NUP155: variants seen among roughly 807,000 people sequenced by gnomAD.
NUP155 encodes nucleoporin 155.
In NUP155, 71 loss-of-function variants were observed where a neutral mutation model predicts 180.4. That is an observed-to-expected ratio of 0.39 (90% CI 0.33 to 0.48). The LOEUF (loss-of-function observed/expected upper bound fraction) is 0.48, where lower values mean the gene tolerates loss of function less well. Ranked by LOEUF, NUP155 falls within the 20% of genes least tolerant of loss-of-function variation. NUP155 has a pLI of 0.91. For synonymous variants in NUP155, 582 were observed against 559.5 expected (o/e 1.04, Z -0.57); for missense variants, 1,553 against 1,648.9 (o/e 0.94, Z 1.01).
At chr5:37,299,715 G>C (rs1163293017) in intron 30 of NUP155, 147 bp from the exon 31 acceptor site, 4 of 857,878 alleles carry the variant, frequency 4.7e-6, no homozygotes, top group Non-Finnish European at 7.4e-6. Context: ...GATGTATGTA[G>C]CTGGTTATAA....
chr5:37,289,923 T>A lies in NUP155; in HGVS notation c.*1977A>T, dbSNP rs1421441155. The A allele has an allele frequency of 6.6e-6, 1 of 152,134 alleles. No homozygotes were observed. Among genetic ancestry groups the A allele is most frequent in the Non-Finnish European group, 1.5e-5 (1 of 68,034 alleles). 9.4% of individuals were successfully genotyped at this position (152,134 alleles called of 1,614,324 possible). A position where few individuals can be genotyped will look rare whatever the true frequency, so the allele number is the denominator to read the frequency against. ...TTTACATATTCAAAAAACGCTAAAC[T>A]TAAGAAACTGAAAAGTTGAAAAATA... On this transcript the variant is annotated 3_prime_UTR_variant, in exon 35 of 35. Coordinates refer to ENST00000231498, the MANE Select transcript of NUP155 (RefSeq NM_153485.3).
chr5:37,292,001 C>T lies in NUP155; in HGVS notation c.4075G>A (p.Gly1359Ser). 1 of 1,613,950 alleles carries T rather than the reference C, an allele frequency of 6.2e-7. No homozygotes were observed. Among genetic ancestry groups the T allele is most frequent in the East Asian group, 2.2e-5 (1 of 44,884 alleles). The stretch of plus-strand genomic sequence containing the variant: ...ATAGACTGGAGCTCAACAAGGTAAC[C>T]ACAAACAGCATCCAGGCAGAGATTT... ...FTNLCLDAVC[G>S]YLVELQSMSS... The change falls in exon 35 of 35, where the codon GGT (glycine) becomes AGT (serine). Residue 1359 changes from glycine to serine, a missense_variant. Coordinates refer to ENST00000231498, the MANE Select transcript of NUP155 (RefSeq NM_153485.3).
At chr5:37,310,014 T>TA (rs35386254) in intron 23 of NUP155, among the ~76,000 whole-genome samples, 32 of 150,258 alleles carry the variant, frequency 2.1e-4, no homozygotes, top group African/African-American at 2.7e-4. Flanking sequence ...TACTCAGTCT[T>TA]AAAAAAAAAG....
intron 4 of NUP155, 133 bp downstream of exon 4, chr5:37,357,948 G>A: frequency 1.5e-6 from 1 of 656,430 alleles, no homozygotes; most frequent in Non-Finnish European, 2.8e-6. Flanking sequence ...AGCCAAGATT[G>A]CGCCACTGCA....
chr5:37,317,247 G>A (rs1743951257), intron 21 of NUP155, among the ~76,000 whole-genome samples: 1 of 151,972 alleles, frequency 6.6e-6, no homozygotes, highest in Non-Finnish European at 1.5e-5. Context: ...CCAGCACTTT[G>A]GGAGGCCGAG....
intron 3 of NUP155, among the ~76,000 whole-genome samples, chr5:37,359,723 C>T (rs530977935): frequency 6.6e-6 from 1 of 151,980 alleles, no homozygotes; most frequent in South Asian, 2.1e-4. Flanking sequence ...AGAAAAAAAA[C>T]CCCAGTGTCA....
chr5:37,361,511 C>A (rs777112495), intron 3 of NUP155, among the ~76,000 whole-genome samples: 2 of 152,106 alleles, frequency 1.3e-5, no homozygotes, highest in Non-Finnish European at 2.9e-5. Flanking sequence ...GCAACTTATG[C>A]GGACTAGGAT....
intron 24 of NUP155, among the ~76,000 whole-genome samples, chr5:37,307,779 G>T (rs556656650): frequency 6.6e-6 from 1 of 151,752 alleles, no homozygotes; most frequent in African/African-American, 2.4e-5. Context: ...AAAATTAGCT[G>T]GGCCTGGTGG....
chr5:37,347,356 A>G (rs542347921), intron 9 of NUP155, among the ~76,000 whole-genome samples: 3 of 152,232 alleles, frequency 2.0e-5, no homozygotes, highest in Non-Finnish European at 2.9e-5. Flanking sequence ...TACTTTACGT[A>G]GTAAAACCAG....
intron 32 of NUP155, among the ~76,000 whole-genome samples, chr5:37,296,112 C>T (rs1222849632): frequency 6.6e-6 from 1 of 151,460 alleles, no homozygotes. Flanking sequence ...GGCACCTCTG[C>T]CCGGCCGCCC....
intron 4 of NUP155, among the ~76,000 whole-genome samples, chr5:37,353,774 T>C (rs997889586): frequency 6.6e-6 from 1 of 152,142 alleles, no homozygotes; most frequent in Non-Finnish European, 1.5e-5. Context: ...GAATGGTTAC[T>C]ACCAACTGCT....
At chr5:37,367,043 T>C (rs1042178537) in intron 1 of NUP155, among the ~76,000 whole-genome samples, 3 of 148,968 alleles carry the variant, frequency 2.0e-5, no homozygotes, top group Admixed American at 1.3e-4. Flanking sequence ...CGAACTCTTT[T>C]TCTCTTTTTT....
chr5:37,349,075 T>A (rs1746293726), intron 8 of NUP155, 97 bp downstream of exon 8: 2 of 353,792 alleles, frequency 5.7e-6, no homozygotes, highest in African/African-American at 4.3e-5. Context: ...TTTTTTTAGT[T>A]ACACAGTTCA....
At chr5:37,320,545 A>G (rs1181831622) in intron 20 of NUP155, among the ~76,000 whole-genome samples, 1 of 152,262 alleles carries the variant, frequency 6.6e-6, no homozygotes. Flanking sequence ...GTAGAGCTAG[A>G]CAAGAAAAGA....
At chr5:37,361,809 G>C (rs1360526396) in intron 3 of NUP155, among the ~76,000 whole-genome samples, 1 of 152,078 alleles carries the variant, frequency 6.6e-6, no homozygotes, top group Non-Finnish European at 1.5e-5. Context: ...CACTGCTATG[G>C]ATCAAATATC....
intron 12 of NUP155, among the ~76,000 whole-genome samples, chr5:37,337,194 G>A (rs1561795173): frequency 6.6e-6 from 1 of 152,134 alleles, no homozygotes; most frequent in Non-Finnish European, 1.5e-5. Context: ...CACCCAGGAA[G>A]ACCATATCCA....
intron 9 of NUP155, among the ~76,000 whole-genome samples, chr5:37,343,571 T>G (rs182751503): frequency 6.6e-6 from 1 of 152,108 alleles, no homozygotes; most frequent in Non-Finnish European, 1.5e-5. Context: ...GTGTTCTCAG[T>G]GTCAAAGTAT....
At chr5:37,336,396 G>A (rs1745330236) in intron 12 of NUP155, among the ~76,000 whole-genome samples, 1 of 151,732 alleles carries the variant, frequency 6.6e-6, no homozygotes. Flanking sequence ...TGGGAGGACT[G>A]CTTGGGCCTG....
intron 3 of NUP155, among the ~76,000 whole-genome samples, chr5:37,362,074 AG>A (rs150044006): frequency 0.017 from 2,552 of 152,290 alleles, 58 homozygotes; most frequent in African/African-American, 0.058. Flanking sequence ...ACCATGAGAA[AG>A]AAATTCATGT....
Sources: allele counts gnomAD v4.1 joint callset (sites outside exome capture counted in the v4.1 genomes callset), GRCh38; gene constraint gnomAD v4.1.1; transcripts MANE v1.5; gene names NCBI Gene and HGNC (gene_info 2026-07-23, HGNC 2026-07-21).